FAM135A: variants seen among roughly 807,000 people sequenced by gnomAD.
The protein encoded by FAM135A is family with sequence similarity 135 member A, also known as protein FAM135A.
A neutral mutation model predicts 146.8 loss-of-function variants in FAM135A; 79 were observed. The observed-to-expected ratio is 0.54, with a 90% CI of 0.45 to 0.65. The LOEUF (loss-of-function observed/expected upper bound fraction) is 0.65, where lower values mean the gene tolerates loss of function less well. Among genes scored for constraint, FAM135A ranks in the 30% least tolerant of loss-of-function variants. FAM135A has a pLI of 0.00. For synonymous variants in FAM135A, 562 were observed against 603.6 expected (o/e 0.93, Z 1.01); for missense variants, 1,623 against 1,758.2 (o/e 0.92, Z 1.38).
At chr6:70,433,462 A>G (rs1350273123) in intron 4 of FAM135A, among the ~76,000 whole-genome samples, 1 of 152,142 alleles carries the variant, frequency 6.6e-6, no homozygotes, top group Non-Finnish European at 1.5e-5. Context: ...AAACCAGGAC[A>G]TAAGGCCATC....
rs1265314790 is a variant in FAM135A at position 70,524,323 on chromosome 6, T to C, written c.1259-20T>C. On this transcript the variant is annotated intron_variant, in intron 14 of 21. Coordinates refer to ENST00000418814, the MANE Select transcript of FAM135A (RefSeq NM_001162529.3). ...TCACACCTTGTTTTAAACCTGAATC[T>C]TTTTTTCTTTGGATAAAAGACTTAG... 3 of 1,462,434 alleles carry C rather than the reference T, an allele frequency of 2.1e-6. No individual in the cohort carries two copies. The African/African-American group carries it at 4.3e-5, about 21-fold the overall frequency. The allele number at this position is 1,462,434 out of a possible 1,614,324, so 90.6% of individuals were successfully genotyped here. A position where few individuals can be genotyped will look rare whatever the true frequency, so the allele number is the denominator to read the frequency against.
chr6:70,453,924 A>G (rs932841236), intron 5 of FAM135A, among the ~76,000 whole-genome samples: 5 of 152,216 alleles, frequency 3.3e-5, no homozygotes, highest in African/African-American at 1.2e-4. Context: ...TTGGGTATAT[A>G]CCCAGTAATG....
intron 2 of FAM135A, among the ~76,000 whole-genome samples, chr6:70,426,143 T>C (rs1770086116): frequency 6.6e-6 from 1 of 151,514 alleles, no homozygotes; most frequent in African/African-American, 2.4e-5. Context: ...AAAAAATTAA[T>C]GAGCTTATAA....
Position 70,426,462 on chromosome 6 carries a change from C to T in FAM135A, c.-110C>T, listed in dbSNP as rs1164262280. On this transcript the variant is annotated 5_prime_UTR_variant, in exon 3 of 22. In the 5' UTR this introduces an upstream ATG that the reference lacks. Transcript: ENST00000418814. ...AGGGGGAACGGTGTATTTTTAACAACGGGAATCAGTAACTGGAAGTACAAG... is the reference window on the plus strand; with the variant it reads ...AGGGGGAACGGTGTATTTTTAACAATGGGAATCAGTAACTGGAAGTACAAG... 6.6e-6 allele frequency: 1 copy of T among 151,886 alleles called. No individual in the cohort carries two copies. Among genetic ancestry groups the T allele is most frequent in the Admixed American group, 6.6e-5 (1 of 15,244 alleles). The allele number at this position is 151,886 out of a possible 1,614,324, so 9.4% of individuals were successfully genotyped here. A position where few individuals can be genotyped will look rare whatever the true frequency, so the allele number is the denominator to read the frequency against.
At chr6:70,417,974 G>A (rs976816489) in intron 2 of FAM135A, among the ~76,000 whole-genome samples, 1 of 152,178 alleles carries the variant, frequency 6.6e-6, no homozygotes, top group Non-Finnish European at 1.5e-5. Flanking sequence ...TCCTTTGGAA[G>A]ATGTCCTTTC....
chr6:70,514,151 T>C (rs1045080075), intron 12 of FAM135A, among the ~76,000 whole-genome samples: 1 of 152,114 alleles, frequency 6.6e-6, no homozygotes, highest in Admixed American at 6.6e-5. Context: ...ATATGTATAT[T>C]ATATCATTTG....
At chr6:70,447,751 C>A (rs1013289734) in intron 4 of FAM135A, among the ~76,000 whole-genome samples, 2 of 152,202 alleles carry the variant, frequency 1.3e-5, no homozygotes, top group Non-Finnish European at 2.9e-5. Context: ...ATATTTCAGA[C>A]TCAGCAGTTT....
At chr6:70,517,609 G>A (rs901429767) in intron 12 of FAM135A, among the ~76,000 whole-genome samples, 2 of 151,930 alleles carry the variant, frequency 1.3e-5, no homozygotes, top group African/African-American at 4.8e-5. Context: ...AGTAGAGACA[G>A]GGTTTCACCG....
intron 4 of FAM135A, among the ~76,000 whole-genome samples, chr6:70,431,634 A>C (rs1312777117): frequency 6.6e-6 from 1 of 152,214 alleles, no homozygotes; most frequent in Non-Finnish European, 1.5e-5. Flanking sequence ...TCACACTGTA[A>C]GAGGTCTGAA....
chr6:70,521,501 T>G (rs1288684751), intron 12 of FAM135A, among the ~76,000 whole-genome samples: 1 of 152,222 alleles, frequency 6.6e-6, no homozygotes, highest in African/African-American at 2.4e-5. Context: ...CCTCATTGAC[T>G]TGTTTGTCTG....
Position 70,536,072 on chromosome 6 carries a change from G to C in FAM135A, c.3966-188G>C, listed in dbSNP as rs112067944. 828 of 494,576 alleles carry C rather than the reference G, an allele frequency of 1.7e-3. 4 individuals are homozygous for C. Among genetic ancestry groups the C allele is most frequent in the African/African-American group, 0.015 (748 of 50,428 alleles). 30.6% of individuals were successfully genotyped at this position (494,576 alleles called of 1,614,324 possible). A position where few individuals can be genotyped will look rare whatever the true frequency, so the allele number is the denominator to read the frequency against. ...AACATTTAAATTATGTAATAATGAG[G>C]ATCTTCTATACATTCTCACATTTTT... On this transcript the variant is annotated intron_variant, in intron 18 of 21. Transcript: ENST00000418814.
At chr6:70,430,394 A>G (rs915921365) in intron 4 of FAM135A, among the ~76,000 whole-genome samples, 3 of 152,086 alleles carry the variant, frequency 2.0e-5, no homozygotes, top group Admixed American at 1.3e-4. Context: ...CAATTGACAC[A>G]CTGTTACTTC....
intron 4 of FAM135A, among the ~76,000 whole-genome samples, chr6:70,440,032 C>T (rs1251155038): frequency 6.6e-6 from 1 of 152,148 alleles, no homozygotes; most frequent in Non-Finnish European, 1.5e-5. Context: ...TACACAGTCC[C>T]TCAGTCATCT....
rs549664709 is a variant in FAM135A, at chr6:70,475,660, C to T, written c.298-3C>T. 19 of 1,607,534 alleles carry T rather than the reference C, an allele frequency of 1.2e-5. No homozygotes were observed. The East Asian group carries it at 3.1e-4, about 27-fold the overall frequency. On this transcript the variant is annotated splice_region_variant and splice_polypyrimidine_tract_variant and intron_variant, in intron 6 of 21. Transcript: ENST00000418814. The stretch of plus-strand genomic sequence containing the variant: ...AGTATCTCATAGTGTAATTTCTTTT[C>T]AGATTGAAGAAACCCTTGAGGAAAT...
chr6:70,468,248 A>G (rs1293573370), intron 5 of FAM135A, among the ~76,000 whole-genome samples: 1 of 152,222 alleles, frequency 6.6e-6, no homozygotes, highest in East Asian at 1.9e-4. Context: ...TTCTGTTTAA[A>G]AAGACCATCT....
chr6:70,522,216 C>G (rs1439496650), intron 12 of FAM135A, among the ~76,000 whole-genome samples: 1 of 152,046 alleles, frequency 6.6e-6, no homozygotes, highest in African/African-American at 2.4e-5. Context: ...CACGCCTGGC[C>G]CATAGCTTCT....
intron 20 of FAM135A, among the ~76,000 whole-genome samples, chr6:70,545,896 A>G (rs771717712): frequency 1.3e-5 from 2 of 152,244 alleles, no homozygotes; most frequent in African/African-American, 2.4e-5. Context: ...ACACTGCATC[A>G]TGTTAAGCCA....
At chr6:70,440,974 A>G (rs1582120556) in intron 4 of FAM135A, among the ~76,000 whole-genome samples, 1 of 152,164 alleles carries the variant, frequency 6.6e-6, no homozygotes, top group South Asian at 2.1e-4. Context: ...TAAATGTTTT[A>G]TTATTTCTCC....
chr6:70,516,778 G>A (rs1041729621), intron 12 of FAM135A, among the ~76,000 whole-genome samples: 2 of 151,770 alleles, frequency 1.3e-5, no homozygotes, highest in Non-Finnish European at 2.9e-5. Flanking sequence ...CTTGTGATCC[G>A]CCCATCTCGG....
Sources: allele counts gnomAD v4.1 joint callset (sites outside exome capture counted in the v4.1 genomes callset), GRCh38; gene constraint gnomAD v4.1.1; transcripts MANE v1.5; gene names NCBI Gene and HGNC (gene_info 2026-07-23, HGNC 2026-07-21).